Variants in TSHZ2 observed in about 807,000 individuals in gnomAD.
TSHZ2 encodes the protein teashirt zinc finger homeobox 2.
TSHZ2 carries 21 observed loss-of-function variants against 74.4 expected under a neutral mutation model. The ratio of observed to expected loss-of-function variants is 0.28; its 90% CI spans 0.20 to 0.41. The LOEUF (loss-of-function observed/expected upper bound fraction) is 0.41. TSHZ2 is among the 10% of genes least tolerant of loss of function. The pLI is 1.00. For missense variants in TSHZ2, 1,244 were observed against 1,293.5 expected (o/e 0.96, Z 0.59); for synonymous variants, 540 against 515.3 (o/e 1.05, Z -0.65).
At chr20:53,482,792 GTT>G (rs1338742174) in intron 2 of TSHZ2, among the ~76,000 whole-genome samples, 2 of 152,014 alleles carry the variant, frequency 1.3e-5, no homozygotes, top group African/African-American at 4.8e-5. Flanking sequence ...TGTGGTCCCA[GTT>G]TTTCAGGAGG....
chr20:53,159,109 CATG>C (rs1190714087), intron 1 of TSHZ2, among the ~76,000 whole-genome samples: 1 of 152,216 alleles, frequency 6.6e-6, no homozygotes, highest in African/African-American at 2.4e-5. Context: ...CCCTCACAAC[CATG>C]CTTTGTTATG....
chr20:53,247,880 CTG>C (rs1435295652), intron 1 of TSHZ2, among the ~76,000 whole-genome samples: 2 of 152,182 alleles, frequency 1.3e-5, no homozygotes, highest in Non-Finnish European at 2.9e-5. Flanking sequence ...ATTTTTAAAA[CTG>C]TCAGTGTTTT....
In TSHZ2 at chr20:53,490,681, T is replaced by C. The variant is rs567420749; in HGVS notation, c.*3546T>C. 2 of 152,218 alleles carry C rather than the reference T, an allele frequency of 1.3e-5. No individual in the cohort carries two copies. Among genetic ancestry groups the C allele is most frequent in the Non-Finnish European group, 2.9e-5 (2 of 68,040 alleles). The allele number at this position is 152,218 out of a possible 1,614,324, so 9.4% of individuals were successfully genotyped here. A position where few individuals can be genotyped will look rare whatever the true frequency, so the allele number is the denominator to read the frequency against. On this transcript the variant is annotated 3_prime_UTR_variant, in exon 3 of 3. Coordinates refer to ENST00000371497, the MANE Select transcript of TSHZ2 (RefSeq NM_173485.6). ...GGTTGTTTGAATCTTGCATAATTAA[T>C]GTCACAGGCGCAAGCCGCTGAACTT...
intron 1 of TSHZ2, among the ~76,000 whole-genome samples, chr20:53,075,806 G>A (rs1293513678): frequency 2.6e-5 from 4 of 152,180 alleles, no homozygotes; most frequent in East Asian, 1.9e-4. Context: ...AGCCACCATC[G>A]GTGGGAGCCA....
intron 1 of TSHZ2, among the ~76,000 whole-genome samples, chr20:53,205,897 C>G (rs1179355824): frequency 6.6e-6 from 1 of 152,170 alleles, no homozygotes; most frequent in Non-Finnish European, 1.5e-5. Flanking sequence ...CATTTACATT[C>G]TTTAAGGCTT....
chr20:53,361,856 A>C (rs1981065008), intron 2 of TSHZ2, among the ~76,000 whole-genome samples: 2 of 152,106 alleles, frequency 1.3e-5, no homozygotes, highest in South Asian at 4.2e-4. Context: ...ATGCACACAA[A>C]GCATCCTTCA....
intron 2 of TSHZ2, chr20:53,398,331 C>G (rs1232188313): frequency 4.6e-5 from 7 of 152,196 alleles, no homozygotes; most frequent in African/African-American, 1.4e-4. Flanking sequence ...ATCCAAATAC[C>G]TGCTTACCAA....
intron 1 of TSHZ2, among the ~76,000 whole-genome samples, chr20:53,147,829 GC>G (rs1987579821): frequency 1.3e-5 from 2 of 152,172 alleles, no homozygotes; most frequent in South Asian, 4.1e-4. Context: ...TGACTCTCCT[GC>G]CTCAGCCTCC....
chr20:53,487,844 CAA>C lies in TSHZ2; in HGVS notation c.*711_*712del, dbSNP rs1986334059. The stretch of plus-strand genomic sequence containing the variant: ...TAGTTAAGCTTAACCATGTTGCTGC[CAA>C]AGACTTTTCCTATGCAGTGGTGGGG... On this transcript the variant is annotated 3_prime_UTR_variant, in exon 3 of 3. Coordinates refer to ENST00000371497, the MANE Select transcript of TSHZ2 (RefSeq NM_173485.6). 1 of 152,122 alleles carries C rather than the reference CAA, an allele frequency of 6.6e-6. No individual in the cohort carries two copies. Among genetic ancestry groups the C allele is most frequent in the South Asian group, 2.1e-4 (1 of 4,828 alleles). 9.4% of individuals were successfully genotyped at this position (152,122 alleles called of 1,614,324 possible).
chr20:53,172,423 T>A (rs1300792326), intron 1 of TSHZ2, among the ~76,000 whole-genome samples: 1 of 152,220 alleles, frequency 6.6e-6, no homozygotes, highest in Admixed American at 6.5e-5. Context: ...TTTTTATTTT[T>A]TAGATTTAAA....
intron 2 of TSHZ2, among the ~76,000 whole-genome samples, chr20:53,421,807 C>T (rs1023967815): frequency 3.3e-5 from 5 of 150,738 alleles, no homozygotes; most frequent in South Asian, 2.1e-4. Context: ...CTCAGCCTCC[C>T]GAGTAGCTGG....
intron 2 of TSHZ2, among the ~76,000 whole-genome samples, chr20:53,283,820 G>A (rs1327138626): frequency 2.6e-5 from 4 of 152,174 alleles, no homozygotes; most frequent in Non-Finnish European, 1.5e-5. Flanking sequence ...AGATTGGTCT[G>A]ACTCTCCAAG....
At chr20:53,486,198 G>T (rs931196279) in intron 2 of TSHZ2, among the ~76,000 whole-genome samples, 14 of 151,862 alleles carry the variant, frequency 9.2e-5, no homozygotes, top group Non-Finnish European at 1.9e-4. Context: ...AATATTCTCA[G>T]GGTTCATCCA....
intron 1 of TSHZ2, among the ~76,000 whole-genome samples, chr20:53,143,672 A>G (rs2123421937): frequency 6.6e-6 from 1 of 152,302 alleles, no homozygotes; most frequent in Middle Eastern, 3.4e-3. Context: ...AGCCTGGGCA[A>G]CAGAGCAAGA....
chr20:53,102,889 C>A (rs1354574584), intron 1 of TSHZ2, among the ~76,000 whole-genome samples: 1 of 119,334 alleles, frequency 8.4e-6, no homozygotes, highest in African/African-American at 3.2e-5. Context: ...TTTTATTATA[C>A]TTTAAGTTTT....
chr20:53,349,394 A>G lies in TSHZ2; in HGVS notation c.*8+92823A>G, dbSNP rs561271340. Among the ~76,000 whole-genome samples, 3 of 152,364 alleles carry G rather than the reference A, an allele frequency of 2.0e-5. No individual in the cohort carries two copies. In the East Asian group the frequency reaches 5.8e-4, roughly 29 times the overall value. On this transcript the variant is annotated intron_variant, in intron 2 of 2. Transcript: ENST00000371497. ...TGGCCAAGTGAGGTGGCCCATGCCT[A>G]TAATCCTAGCACTTTAAGAGGCTGA... is the stretch of plus-strand genomic sequence containing the variant.
rs150596517 is a variant in TSHZ2 at position 53,253,987 on chromosome 20, C to G, written c.529C>G (p.Leu177Val). Residue 177 changes from leucine (L) to valine (V), a missense_variant, in exon 2 of 3, where the codon CTG becomes GTG. By Grantham distance (32) the Leu-to-Val change is conservative. Coordinates refer to ENST00000371497, the MANE Select transcript of TSHZ2 (RefSeq NM_173485.6). ...DWHQDALSKS[L>V]QQNLPSRSVS... Reference sequence around the variant, plus strand: ...GCACCAAGACGCTCTGTCCAAAAGCCTGCAGCAGAACTTGCCTTCTCGGTC... The same window carrying G: ...GCACCAAGACGCTCTGTCCAAAAGCGTGCAGCAGAACTTGCCTTCTCGGTC... The G allele has an allele frequency of 6.2e-7, 1 of 1,614,162 alleles. No individual in the cohort carries two copies. Among genetic ancestry groups the G allele is most frequent in the African/African-American group, 1.3e-5 (1 of 75,036 alleles).
At chr20:53,170,520 G>A (rs572820901) in intron 1 of TSHZ2, among the ~76,000 whole-genome samples, 70 of 152,304 alleles carry the variant, frequency 4.6e-4, no homozygotes, top group Admixed American at 1.6e-3. Context: ...TGCTATGATG[G>A]TGGTGGCGGG....
chr20:53,049,657 C>T (rs1286349755), intron 1 of TSHZ2, among the ~76,000 whole-genome samples: 1 of 151,954 alleles, frequency 6.6e-6, no homozygotes, highest in Non-Finnish European at 1.5e-5. Context: ...ACTGCTGAAA[C>T]ACCTCTCAGA....
Sources: allele counts gnomAD v4.1 joint callset (sites outside exome capture counted in the v4.1 genomes callset), GRCh38; gene constraint gnomAD v4.1.1; transcripts MANE v1.5; gene names NCBI Gene and HGNC (gene_info 2026-07-23, HGNC 2026-07-21).